The following FOCAD variants were observed in gnomAD, a reference collection of about 807,000 sequenced individuals.
The protein encoded by FOCAD is KIAA1797.
FOCAD carries 198 observed loss-of-function variants against 225.6 expected under a neutral mutation model. The ratio of observed to expected loss-of-function variants is 0.88; its 90% CI spans 0.78 to 0.99. FOCAD has a LOEUF of 0.99. Among genes scored for constraint, FOCAD ranks in the 50% least tolerant of loss-of-function variants. The pLI is 0.00. For missense variants in FOCAD, 2,713 were observed against 2,123.6 expected (o/e 1.28, Z -5.46); for synonymous variants, 897 against 755.0 (o/e 1.19, Z -3.08).
chr9:20,659,271 G>A (rs113127190), intron 2 of FOCAD, among the ~76,000 whole-genome samples: 7,695 of 147,436 alleles, frequency 0.052, 274 homozygotes, highest in Non-Finnish European at 0.074. Context: ...GCCTGGCATG[G>A]TGGTGTGTGC....
chr9:20,843,577 G>A lies in FOCAD; in HGVS notation c.1921-19001G>A, dbSNP rs552311354. On this transcript the variant is annotated intron_variant, in intron 15 of 43. Coordinates refer to ENST00000338382, the MANE Select transcript of FOCAD (RefSeq NM_001375567.1). ...GGAGTTTGATTCTTAAATGTCTTGA[G>A]GTAGTCTTATTTTGATTAAAGCTGC... 2.6e-5 allele frequency among the ~76,000 whole-genome samples: 4 copies of A among 152,114 alleles called. No individual in the cohort carries two copies. In the East Asian group the frequency reaches 5.8e-4, roughly 22 times the overall value.
intron 8 of FOCAD, among the ~76,000 whole-genome samples, chr9:20,772,473 G>A (rs1412450381): frequency 6.6e-6 from 1 of 152,118 alleles, no homozygotes; most frequent in Non-Finnish European, 1.5e-5. Flanking sequence ...GAGAAAATAT[G>A]TCTAGAAGGA....
chr9:20,915,144 T>C (rs1005575223), intron 23 of FOCAD, among the ~76,000 whole-genome samples: 2 of 152,108 alleles, frequency 1.3e-5, no homozygotes, highest in Non-Finnish European at 2.9e-5. Context: ...CAATTAGAGA[T>C]AGCAAGCAGG....
rs916073752 is a variant in FOCAD, at chr9:20,665,697, C to T, written c.-78+6871C>T. On this transcript the variant is annotated intron_variant, in intron 2 of 45. Transcript: ENST00000380249. Reference sequence around the variant, plus strand: ...AAGTTCTTTGGATGTTTGCTTTTCCCGGGTTTTAATCTCTTGTTACCCAGA... The same window carrying T: ...AAGTTCTTTGGATGTTTGCTTTTCCTGGGTTTTAATCTCTTGTTACCCAGA... Among the ~76,000 whole-genome samples the T allele has an allele frequency of 5.3e-5, 8 of 151,970 alleles. No individual in the cohort carries two copies. The South Asian group carries it at 6.2e-4, about 12-fold the overall frequency.
At chr9:20,689,720 G>A (rs376053984) in intron 1 of FOCAD, among the ~76,000 whole-genome samples, 1 of 152,160 alleles carries the variant, frequency 6.6e-6, no homozygotes, top group African/African-American at 2.4e-5. Flanking sequence ...TTAGATTTGG[G>A]TATAAGGGTG....
chr9:20,942,831 T>C lies in FOCAD; in HGVS notation c.3408-1796T>C, dbSNP rs574562003. ...CCCAAATAATTTTCATCAGAGTTTA[T>C]AATTAAAATTGTATGAAGTAAATTA... On this transcript the variant is annotated intron_variant, in intron 28 of 43. Transcript: ENST00000338382. Among the ~76,000 whole-genome samples, 18 of 152,358 alleles carry C rather than the reference T, an allele frequency of 1.2e-4. No individual in the cohort carries two copies. In the East Asian group the frequency reaches 3.5e-3, roughly 29 times the overall value.
chr9:20,775,550 A>T (rs1456440368), intron 8 of FOCAD, among the ~76,000 whole-genome samples: 2 of 152,222 alleles, frequency 1.3e-5, no homozygotes, highest in African/African-American at 4.8e-5. Flanking sequence ...AAGTTAGAGC[A>T]CTGGAGGATT....
chr9:20,933,988 T>A (rs972730239), intron 28 of FOCAD, among the ~76,000 whole-genome samples: 1 of 152,212 alleles, frequency 6.6e-6, no homozygotes, highest in African/African-American at 2.4e-5. Flanking sequence ...ATACATTTGT[T>A]GGTCATTTGT....
chr9:20,740,777 A>G (rs1827550768), intron 5 of FOCAD, among the ~76,000 whole-genome samples: 1 of 152,210 alleles, frequency 6.6e-6, no homozygotes, highest in Non-Finnish European at 1.5e-5. Context: ...GTCAGTAGTT[A>G]GGAGTGTTGA....
chr9:20,805,397 A>C (rs1822315933), intron 11 of FOCAD, among the ~76,000 whole-genome samples: 2 of 152,306 alleles, frequency 1.3e-5, no homozygotes, highest in Middle Eastern at 3.4e-3. Flanking sequence ...CATTTGTTAT[A>C]GTTTAATACC....
intron 1 of FOCAD, among the ~76,000 whole-genome samples, chr9:20,713,487 C>G (rs1825041628): frequency 6.6e-6 from 1 of 152,196 alleles, no homozygotes; most frequent in East Asian, 1.9e-4. Flanking sequence ...GTGCACTTCT[C>G]CCATTTCTCA....
At chr9:20,873,723 C>A (rs1011828902) in intron 18 of FOCAD, 1 of 152,036 alleles carries the variant, frequency 6.6e-6, no homozygotes, top group African/African-American at 2.4e-5. Context: ...CTTCTACCCC[C>A]CTGCAAGAAT....
intron 19 of FOCAD, among the ~76,000 whole-genome samples, chr9:20,876,329 C>G (rs979400052): frequency 6.6e-6 from 1 of 152,096 alleles, no homozygotes; most frequent in African/African-American, 2.4e-5. Context: ...TTTCTTTAAC[C>G]TGAAATAACC....
At chr9:20,852,992 G>GA (rs879719005) in intron 15 of FOCAD, among the ~76,000 whole-genome samples, 52 of 151,700 alleles carry the variant, frequency 3.4e-4, no homozygotes, top group Non-Finnish European at 6.9e-4. Context: ...GTGACCATTA[G>GA]AAAAAAATTT....
At chr9:20,946,865 T>G (rs1265084855) in intron 30 of FOCAD, 45 bp downstream of exon 30, 1 of 1,605,132 alleles carries the variant, frequency 6.2e-7, no homozygotes, top group East Asian at 2.2e-5. Context: ...GGTCTCATGC[T>G]GCTGCTAAGT....
At chr9:20,851,363 G>T (rs1331999790) in intron 15 of FOCAD, among the ~76,000 whole-genome samples, 1 of 151,644 alleles carries the variant, frequency 6.6e-6, no homozygotes, top group Admixed American at 6.6e-5. Context: ...TAAATGTTCT[G>T]ACTTTTATCT....
chr9:20,870,253 T>C (rs1178741867), intron 18 of FOCAD, among the ~76,000 whole-genome samples: 1 of 152,204 alleles, frequency 6.6e-6, no homozygotes, highest in African/African-American at 2.4e-5. Flanking sequence ...CCGTTTGGCT[T>C]TGATTTAAAG....
upstream of FOCAD, among the ~76,000 whole-genome samples, chr9:20,681,392 G>A (rs1171689094): frequency 6.6e-6 from 1 of 152,082 alleles, no homozygotes; most frequent in African/African-American, 2.4e-5. Flanking sequence ...CATCATGCCC[G>A]GCCTGAGAGG....
chr9:20,862,491 C>A, intron 15 of FOCAD, 87 bp from the exon 16 acceptor site: 1 of 1,420,906 alleles, frequency 7.0e-7, no homozygotes, highest in Non-Finnish European at 9.4e-7. Flanking sequence ...CTTAAGTTTC[C>A]TTATAATAAA....
Sources: gnomAD v4.1 joint callset for allele counts (sites outside exome capture counted in the v4.1 genomes callset) on GRCh38, gnomAD v4.1.1 for gene constraint, MANE v1.5 for transcripts, NCBI Gene and HGNC (gene_info 2026-07-23, HGNC 2026-07-21) for gene names.